SLC25A28: variants seen among roughly 807,000 people sequenced by gnomAD.
SLC25A28 encodes the protein mitoferrin-2.
Under a neutral mutation model 31.9 loss-of-function variants are expected in SLC25A28, and 10 were observed. The observed-to-expected ratio is 0.31, with a 90% confidence interval of 0.19 to 0.53. The LOEUF (loss-of-function observed/expected upper bound fraction) is 0.53. Ranked by LOEUF, SLC25A28 falls within the 20% of genes least tolerant of loss-of-function variation. The pLI, the probability that SLC25A28 is intolerant of heterozygous loss-of-function variation, is 0.95. For missense variants in SLC25A28, 256 were observed against 490.3 expected (o/e 0.52, Z 4.51); for synonymous variants, 208 against 203.6 (o/e 1.02, Z -0.19).
At chr10:99,617,800 A>G (rs566735215) in intron 1 of SLC25A28, 20 of 985,196 alleles carry the variant, frequency 2.0e-5, no homozygotes, top group African/African-American at 1.2e-4. Flanking sequence ...GCTTTCAGGC[A>G]TAACTGCTAT....
the SLC25A28 span, among the ~76,000 whole-genome samples, chr10:99,625,771 A>G: frequency 6.6e-6 from 1 of 152,212 alleles, no homozygotes; most frequent in Non-Finnish European, 1.5e-5. Context: ...AGAAAAGGAT[A>G]TGTTCTCCTC....
chr10:99,654,725 C>T, the SLC25A28 span, among the ~76,000 whole-genome samples: 3 of 152,110 alleles, frequency 2.0e-5, no homozygotes, highest in South Asian at 2.1e-4. Context: ...TCTTCTTTTT[C>T]GGTCATTATA....
chr10:99,618,586 C>T, intron 1 of SLC25A28: 4 of 985,164 alleles, frequency 4.1e-6, no homozygotes, highest in Non-Finnish European at 4.8e-6. Flanking sequence ...AATGTTGTTA[C>T]TTCTCTCTCA....
upstream of SLC25A28, among the ~76,000 whole-genome samples, chr10:99,624,960 A>G (rs967436925): frequency 6.6e-6 from 1 of 152,082 alleles, no homozygotes; most frequent in African/African-American, 2.4e-5. Flanking sequence ...TCTGGAATTT[A>G]TTCCTTCTGG....
In SLC25A28 at chr10:99,613,449, A is replaced by G. The variant is rs1233791060; in HGVS notation, c.520+247T>C. On this transcript the variant is annotated intron_variant, in intron 2 of 3. Coordinates refer to ENST00000370495, the MANE Select transcript of SLC25A28 (RefSeq NM_031212.4). This position sits in a 1 kb window ranked among gnomAD's most constrained non-coding sequence, Gnocchi z 4.9. Reference sequence around the variant, plus strand: ...TAGAAGTTGATGCCAGGGAGATGAGAGGAACAAGTCAAGCTGGTAGGTAAG... The same window carrying G: ...TAGAAGTTGATGCCAGGGAGATGAGGGGAACAAGTCAAGCTGGTAGGTAAG... 2.9e-6 allele frequency: 4 copies of G among 1,381,572 alleles called. No individual in the cohort carries two copies. In the African/African-American group the frequency reaches 5.8e-5, roughly 20 times the overall value. 85.6% of individuals were successfully genotyped at this position (1,381,572 alleles called of 1,614,324 possible). A position where few individuals can be genotyped will look rare whatever the true frequency, so the allele number is the denominator to read the frequency against.
chr10:99,639,620 T>A, the SLC25A28 span, among the ~76,000 whole-genome samples: 1 of 151,826 alleles, frequency 6.6e-6, no homozygotes, highest in Non-Finnish European at 1.5e-5. Context: ...CCTCATTGCT[T>A]CATGAAATCT....
chr10:99,612,511 G>A (rs754656004), intron 3 of SLC25A28, 32 bp downstream of exon 3: 1 of 1,610,312 alleles, frequency 6.2e-7, no homozygotes, highest in South Asian at 1.1e-5. Flanking sequence ...AGGTGCAGCT[G>A]CCCACAGAGT....
the SLC25A28 span, chr10:99,652,112 C>T: frequency 8.5e-5 from 13 of 152,168 alleles, no homozygotes; most frequent in Non-Finnish European, 1.5e-4. Context: ...AGTTTTTACT[C>T]ATTAATATTT....
At chr10:99,628,880 A>G in the SLC25A28 span, among the ~76,000 whole-genome samples, 2 of 152,248 alleles carry the variant, frequency 1.3e-5, no homozygotes, top group Non-Finnish European at 2.9e-5. Context: ...CATTAGCAAG[A>G]AAATAACAAC....
intron 1 of SLC25A28, chr10:99,616,197 G>C (rs932606902): frequency 1.0e-6 from 1 of 985,268 alleles, no homozygotes; most frequent in Non-Finnish European, 1.2e-6. Context: ...CAACCCAGTA[G>C]AGAGGTAAGT....
At chr10:99,635,422 C>T in the SLC25A28 span, among the ~76,000 whole-genome samples, 1 of 152,196 alleles carries the variant, frequency 6.6e-6, no homozygotes, top group African/African-American at 2.4e-5. Context: ...TGGCTCACAC[C>T]TGTAATCCCA....
At chr10:99,631,882 TTTTTTTTTA>T in the SLC25A28 span, among the ~76,000 whole-genome samples, 11 of 94,060 alleles carry the variant, frequency 1.2e-4, no homozygotes, top group South Asian at 4.3e-4. Context: ...TATGTTATTT[TTTTTTTTTA>T]TTTTTTTTTT....
At chr10:99,633,606 A>T in the SLC25A28 span, among the ~76,000 whole-genome samples, 1 of 149,952 alleles carries the variant, frequency 6.7e-6, no homozygotes, top group Admixed American at 6.7e-5. Flanking sequence ...CTGAGGCAGG[A>T]GAATGAACTG....
chr10:99,635,839 C>G, the SLC25A28 span, among the ~76,000 whole-genome samples: 2 of 152,168 alleles, frequency 1.3e-5, no homozygotes, highest in Non-Finnish European at 2.9e-5. Flanking sequence ...TCAGACAAAA[C>G]AAACTTTAAA....
At chr10:99,630,637 G>A in the SLC25A28 span, among the ~76,000 whole-genome samples, 6 of 152,194 alleles carry the variant, frequency 3.9e-5, no homozygotes, top group African/African-American at 1.4e-4. Context: ...TCAGCAGGGG[G>A]CAGCAAAGCT....
At chr10:99,655,385 G>T in the SLC25A28 span, among the ~76,000 whole-genome samples, 1 of 152,090 alleles carries the variant, frequency 6.6e-6, no homozygotes, top group African/African-American at 2.4e-5. Context: ...ATGTTTCAAT[G>T]AACTTTTGAA....
the SLC25A28 span, among the ~76,000 whole-genome samples, chr10:99,641,286 T>C: frequency 6.6e-6 from 1 of 152,238 alleles, no homozygotes; most frequent in East Asian, 1.9e-4. Context: ...TATCTCATTG[T>C]GGTTTTGATT....
chr10:99,650,308 A>G, the SLC25A28 span, among the ~76,000 whole-genome samples: 1 of 152,232 alleles, frequency 6.6e-6, no homozygotes, highest in Admixed American at 6.5e-5. Context: ...CTCCTGGGTA[A>G]CTGGGACTAT....
the SLC25A28 span, among the ~76,000 whole-genome samples, chr10:99,659,235 G>T: frequency 1.3e-5 from 2 of 152,214 alleles, no homozygotes; most frequent in African/African-American, 4.8e-5. The surrounding 1 kb of genome is among the most constrained non-coding windows in gnomAD (Gnocchi z 4.1). Context: ...GGGCCGCCCA[G>T]CGCCACTCAC....
Sources: gnomAD v4.1 joint callset for allele counts (sites outside exome capture counted in the v4.1 genomes callset) on GRCh38, gnomAD v4.1.1 for gene constraint, Gnocchi (gnomAD v3.1) non-coding constraint, MANE v1.5 for transcripts, NCBI Gene and HGNC (gene_info 2026-07-23, HGNC 2026-07-21) for gene names.